The following TNFSF8 variants were observed in gnomAD, a reference collection of about 807,000 sequenced individuals.
TNFSF8 encodes TNF superfamily member 8.
Under a neutral mutation model 22.0 loss-of-function variants are expected in TNFSF8, and 4 were observed. The observed-to-expected ratio is 0.18, with a 90% CI of 0.09 to 0.42. The LOEUF (loss-of-function observed/expected upper bound fraction) is 0.42, where lower values mean the gene tolerates loss of function less well. TNFSF8 is among the 10% of genes least tolerant of loss of function. The probability of loss-of-function intolerance (pLI) is 1.00; values close to 1 mark genes in which losing one functional copy is unlikely to be tolerated. For missense variants in TNFSF8, 233 were observed against 281.8 expected (o/e 0.83, Z 1.24); for synonymous variants, 106 against 112.5 (o/e 0.94, Z 0.37).
intron 1 of TNFSF8, among the ~76,000 whole-genome samples, chr9:114,920,738 G>A (rs1335955809): frequency 6.6e-6 from 1 of 151,970 alleles, no homozygotes; most frequent in African/African-American, 2.4e-5. Flanking sequence ...GCGCAATCTC[G>A]GCTCACTGTA....
At chr9:114,911,850 A>G (rs539567564) in intron 2 of TNFSF8, among the ~76,000 whole-genome samples, 1 of 152,104 alleles carries the variant, frequency 6.6e-6, no homozygotes, top group Admixed American at 6.5e-5. Flanking sequence ...CTTGGAATTC[A>G]TTTATACTAA....
At chr9:114,905,742 CTAAT>C (rs1419502152) in intron 3 of TNFSF8, 82 bp downstream of exon 3, 18 of 1,069,040 alleles carry the variant, frequency 1.7e-5, no homozygotes, top group Admixed American at 3.6e-5. Flanking sequence ...CCATGGGACT[CTAAT>C]TATGACTTCT....
At chr9:114,907,011 C>G (rs1336729799) in intron 2 of TNFSF8, among the ~76,000 whole-genome samples, 1 of 152,162 alleles carries the variant, frequency 6.6e-6, no homozygotes, top group African/African-American at 2.4e-5. Context: ...GCAGCCACAC[C>G]CTGGGATATT....
At chr9:114,928,211 C>A (rs796723955) in intron 1 of TNFSF8, among the ~76,000 whole-genome samples, 1 of 152,120 alleles carries the variant, frequency 6.6e-6, no homozygotes, top group Non-Finnish European at 1.5e-5. Flanking sequence ...AGTGGATGCA[C>A]AAGAAGATAA....
intron 2 of TNFSF8, among the ~76,000 whole-genome samples, chr9:114,910,628 G>A (rs1827841183): frequency 6.6e-6 from 1 of 152,184 alleles, no homozygotes; most frequent in Non-Finnish European, 1.5e-5. Context: ...GCACTAATGA[G>A]CTCCTGGGTT....
At chr9:114,914,921 G>A (rs1172362076) in intron 2 of TNFSF8, among the ~76,000 whole-genome samples, 1 of 152,178 alleles carries the variant, frequency 6.6e-6, no homozygotes, top group African/African-American at 2.4e-5. Flanking sequence ...GTAGCGAAGT[G>A]TATCCTGTGT....
At chr9:114,918,768 G>A (rs1045814326) in intron 1 of TNFSF8, among the ~76,000 whole-genome samples, 6 of 152,080 alleles carry the variant, frequency 3.9e-5, no homozygotes, top group Non-Finnish European at 8.8e-5. Context: ...ACCCAGCTAA[G>A]TTTTGTATTT....
chr9:114,914,544 G>T (rs893306963), intron 2 of TNFSF8, among the ~76,000 whole-genome samples: 9 of 152,138 alleles, frequency 5.9e-5, no homozygotes, highest in African/African-American at 2.2e-4. Context: ...CATTCTCCTT[G>T]GTTCCGTGAC....
At chr9:114,894,411 A>AT (rs746510330) in intron 4 of TNFSF8, among the ~76,000 whole-genome samples, 54 of 152,298 alleles carry the variant, frequency 3.5e-4, no homozygotes, top group Middle Eastern at 3.4e-3. Flanking sequence ...GGTCAAATTA[A>AT]CAAGATGTGA....
In TNFSF8 at chr9:114,903,889, T is replaced by C; in HGVS notation, c.*42A>G. ...GTGTTTGGAGGGATGAAATACTGTA[T>C]GGTAGAGAGGCGCTTTCTTCCTGAA... On this transcript the variant is annotated 3_prime_UTR_variant, in exon 4 of 4. Transcript: ENST00000223795. The C allele has an allele frequency of 6.4e-7, 1 of 1,564,344 alleles. No individual in the cohort carries two copies. Among genetic ancestry groups the C allele is most frequent in the South Asian group, 1.2e-5 (1 of 80,922 alleles).
At chr9:114,906,699 G>A (rs528589314) in intron 2 of TNFSF8, among the ~76,000 whole-genome samples, 1 of 152,086 alleles carries the variant, frequency 6.6e-6, no homozygotes, top group Admixed American at 6.5e-5. Flanking sequence ...ATAATATTAT[G>A]TTATTATGGT....
At chr9:114,911,249 T>C (rs1187144471) in intron 2 of TNFSF8, among the ~76,000 whole-genome samples, 3 of 152,234 alleles carry the variant, frequency 2.0e-5, no homozygotes, top group African/African-American at 7.2e-5. Flanking sequence ...CAGGAATGTG[T>C]GCTGAATCCT....
intron 3 of TNFSF8, 145 bp from the exon 4 acceptor site, chr9:114,904,470 C>T (rs1454060496): frequency 8.3e-7 from 1 of 1,205,622 alleles, no homozygotes; most frequent in Non-Finnish European, 1.1e-6. Context: ...CATGTTACTC[C>T]CTCTAGAGTC....
downstream of TNFSF8, among the ~76,000 whole-genome samples, chr9:114,900,596 C>T (rs1430193740): frequency 1.3e-5 from 2 of 152,154 alleles, no homozygotes; most frequent in East Asian, 1.9e-4. Flanking sequence ...TCCCTGCTCT[C>T]GCCCCGGTCA....
chr9:114,903,476 A>T lies in TNFSF8; in HGVS notation c.*455T>A. On this transcript the variant is annotated 3_prime_UTR_variant, in exon 4 of 4. Transcript: ENST00000223795. ...ATCGCGACTTGGACAACTAAGTATT[A>T]GGCCATCTGCAGATAAAAGAAGTAT... The T allele has an allele frequency of 6.4e-6, 1 of 157,426 alleles. No homozygotes were observed. The highest frequency in any genetic ancestry group is 1.4e-5 in the Non-Finnish European group (1 of 72,284). The allele number at this position is 157,426 out of a possible 1,614,324, so 9.8% of individuals were successfully genotyped here. A position where few individuals can be genotyped will look rare whatever the true frequency, so the allele number is the denominator to read the frequency against.
At chr9:114,894,906 A>G (rs1164811563) in intron 4 of TNFSF8, among the ~76,000 whole-genome samples, 1 of 152,162 alleles carries the variant, frequency 6.6e-6, no homozygotes, top group African/African-American at 2.4e-5. Context: ...ATCCCATTGT[A>G]TTGATCCTGT....
Position 114,903,583 on chromosome 9 carries a change from C to T in TNFSF8, c.*348G>A, listed in dbSNP as rs2131340665. On this transcript the variant is annotated 3_prime_UTR_variant, in exon 4 of 4. Transcript: ENST00000223795. ...GGCAGAGTTGCTAGCTGCTCTGGTA[C>T]TGGAGCCCCATTTTAACTGGAGGCT... 1 of 517,520 alleles carries T rather than the reference C, an allele frequency of 1.9e-6. No homozygotes were observed. Among genetic ancestry groups the T allele is most frequent in the South Asian group, 7.8e-5 (1 of 12,842 alleles). 32.1% of individuals were successfully genotyped at this position (517,520 alleles called of 1,614,324 possible). A position where few individuals can be genotyped will look rare whatever the true frequency, so the allele number is the denominator to read the frequency against.
intron 1 of TNFSF8, among the ~76,000 whole-genome samples, chr9:114,922,881 T>C (rs1828006228): frequency 6.6e-6 from 1 of 151,906 alleles, no homozygotes; most frequent in Non-Finnish European, 1.5e-5. Flanking sequence ...GGCCCTTAGG[T>C]TTTGCATTTT....
At chr9:114,925,349 A>G (rs948798004) in intron 1 of TNFSF8, among the ~76,000 whole-genome samples, 2 of 152,116 alleles carry the variant, frequency 1.3e-5, no homozygotes, top group African/African-American at 4.8e-5. Context: ...GCCTTCATGT[A>G]ACCAAAAACT....
Sources: allele counts gnomAD v4.1 joint callset (sites outside exome capture counted in the v4.1 genomes callset), GRCh38; gene constraint gnomAD v4.1.1; transcripts MANE v1.5; gene names NCBI Gene and HGNC (gene_info 2026-07-23, HGNC 2026-07-21).